Variants in RPS6KC1 observed in about 807,000 individuals in gnomAD.
RPS6KC1 encodes the protein inactive ribosomal protein S6 kinase delta-1.
In RPS6KC1, 54 loss-of-function variants were observed where a neutral mutation model predicts 103.8. The observed-to-expected ratio is 0.52, with a 90% confidence interval of 0.42 to 0.65. RPS6KC1 has a LOEUF of 0.65. RPS6KC1 is among the 30% of genes least tolerant of loss of function. The pLI is 0.00. For missense variants in RPS6KC1, 1,151 were observed against 1,253.8 expected (o/e 0.92, Z 1.24); for synonymous variants, 439 against 438.7 (o/e 1.00, Z -0.01).
the RPS6KC1 span, among the ~76,000 whole-genome samples, chr1:213,719,770 G>A: frequency 6.6e-6 from 1 of 152,158 alleles, no homozygotes; most frequent in South Asian, 2.1e-4. Context: ...GTGCCCAGGT[G>A]TCATACAGTA....
chr1:213,466,329 T>A, the RPS6KC1 span, among the ~76,000 whole-genome samples: 2 of 152,198 alleles, frequency 1.3e-5, no homozygotes. Context: ...GAATACAAGC[T>A]GAATGAGACT....
At chr1:213,355,065 A>G in the RPS6KC1 span, among the ~76,000 whole-genome samples, 2 of 152,094 alleles carry the variant, frequency 1.3e-5, no homozygotes, top group African/African-American at 4.8e-5. Flanking sequence ...TAAAAATACA[A>G]AAATTAGTCA....
chr1:213,189,214 C>T (rs1042337435), intron 8 of RPS6KC1, among the ~76,000 whole-genome samples: 5 of 151,894 alleles, frequency 3.3e-5, no homozygotes, highest in Non-Finnish European at 2.9e-5. Flanking sequence ...TTTGAGAGGC[C>T]GAAGTGGGTG....
At chr1:213,743,757 A>G in the RPS6KC1 span, among the ~76,000 whole-genome samples, 1 of 152,300 alleles carries the variant, frequency 6.6e-6, no homozygotes, top group African/African-American at 2.4e-5. Context: ...GCTGATGATT[A>G]TCTTCAATTA....
intron 3 of RPS6KC1, among the ~76,000 whole-genome samples, chr1:213,097,540 T>C (rs1189965033): frequency 2.0e-5 from 3 of 152,178 alleles, no homozygotes; most frequent in Non-Finnish European, 4.4e-5. Context: ...TCAGTAAGCA[T>C]TGGCTTCAAC....
chr1:213,051,502 C>T lies in RPS6KC1; in HGVS notation c.98C>T (p.Thr33Ile). 2 of 1,609,812 alleles carry T rather than the reference C, an allele frequency of 1.2e-6. No individual in the cohort carries two copies. The highest frequency in any genetic ancestry group is 1.7e-6 in the Non-Finnish European group (2 of 1,177,392). The change falls in exon 1 of 15, where the codon ACC becomes ATC. Residue 33 changes from threonine to isoleucine, a missense_variant. Thr to Ile is a moderately conservative substitution (Grantham distance 89). Transcript: ENST00000366960. Reference protein sequence around the residue: ...HPRGYTVYKVTARVVSRRNPE... With the variant: ...HPRGYTVYKVIARVVSRRNPE... ...AGGGGCTACACAGTATATAAGGTCACCGCCCGGGTGAGTGCCGGTGTCGGG... is the reference window on the plus strand; with the variant it reads ...AGGGGCTACACAGTATATAAGGTCATCGCCCGGGTGAGTGCCGGTGTCGGG...
intron 13 of RPS6KC1, among the ~76,000 whole-genome samples, chr1:213,262,319 CTG>C (rs1298448169): frequency 6.6e-6 from 1 of 152,152 alleles, no homozygotes; most frequent in Non-Finnish European, 1.5e-5. Flanking sequence ...TACATTTAAA[CTG>C]TAAAGTGCTA....
At chr1:213,261,069 T>TC (rs1162488539) in intron 12 of RPS6KC1, among the ~76,000 whole-genome samples, 2 of 152,200 alleles carry the variant, frequency 1.3e-5, no homozygotes, top group Admixed American at 6.5e-5. Flanking sequence ...AACTAGGTCT[T>TC]CGTTCTCCTA....
At position 213,150,325 on chromosome 1, in the gene RPS6KC1, TA is replaced by T. The variant is rs199949312; in HGVS notation, c.836-17532del. ...TTATTTATTTATTTATTTATTTATT[TA>T]TTTTTTATTGATAATTCTTGGGTGT... On this transcript the variant is annotated intron_variant, in intron 6 of 14. Coordinates refer to ENST00000366960, the MANE Select transcript of RPS6KC1 (RefSeq NM_012424.6). Among the ~76,000 whole-genome samples, 72 of 136,624 alleles carry T rather than the reference TA, an allele frequency of 5.3e-4. 1 individual carries two copies. The highest frequency in any genetic ancestry group is 3.7e-3 in the Admixed American group (52 of 13,938). The allele number at this position is 136,624 out of a possible 152,430, so 89.6% of individuals were successfully genotyped here.
At chr1:213,555,262 C>T in the RPS6KC1 span, among the ~76,000 whole-genome samples, 1 of 152,188 alleles carries the variant, frequency 6.6e-6, no homozygotes, top group Non-Finnish European at 1.5e-5. Flanking sequence ...ACTAGGGCCC[C>T]ATTTCCCCCA....
At chr1:213,130,651 A>G (rs781678517) in intron 6 of RPS6KC1, among the ~76,000 whole-genome samples, 1 of 152,176 alleles carries the variant, frequency 6.6e-6, no homozygotes, top group African/African-American at 2.4e-5. Context: ...TTACTACAGT[A>G]CTTCTCACTA....
At chr1:213,776,460 A>G in the RPS6KC1 span, among the ~76,000 whole-genome samples, 1 of 152,214 alleles carries the variant, frequency 6.6e-6, no homozygotes, top group Non-Finnish European at 1.5e-5. Flanking sequence ...ATTGTCAATG[A>G]GCAGTAATAT....
the RPS6KC1 span, among the ~76,000 whole-genome samples, chr1:213,457,283 G>C: frequency 6.6e-6 from 1 of 152,260 alleles, no homozygotes; most frequent in East Asian, 1.9e-4. Flanking sequence ...CGCCATCCTC[G>C]GCAACCCAGG....
At chr1:213,624,909 AG>A in the RPS6KC1 span, among the ~76,000 whole-genome samples, 4 of 152,278 alleles carry the variant, frequency 2.6e-5, no homozygotes, top group Middle Eastern at 0.014. Context: ...TATCAATTTG[AG>A]GGGCGACATA....
chr1:213,623,592 G>A, the RPS6KC1 span, among the ~76,000 whole-genome samples: 3 of 152,184 alleles, frequency 2.0e-5, no homozygotes, highest in Non-Finnish European at 2.9e-5. Context: ...GACCAGGGGT[G>A]TTTCAGAGAT....
At chr1:213,181,942 C>T (rs186615484) in intron 8 of RPS6KC1, among the ~76,000 whole-genome samples, 186 of 152,240 alleles carry the variant, frequency 1.2e-3, no homozygotes, top group South Asian at 2.9e-3. Flanking sequence ...AATGGACTTT[C>T]TTTCTCTTTA....
chr1:213,853,064 C>T, the RPS6KC1 span, among the ~76,000 whole-genome samples: 1 of 152,148 alleles, frequency 6.6e-6, no homozygotes, highest in Non-Finnish European at 1.5e-5. Flanking sequence ...CTCTGGAACA[C>T]AAGGGGCCCA....
chr1:213,478,393 A>AT, the RPS6KC1 span, among the ~76,000 whole-genome samples: 5 of 152,136 alleles, frequency 3.3e-5, no homozygotes, highest in Non-Finnish European at 5.9e-5. Flanking sequence ...CACTTGCCAG[A>AT]TTTTATGATA....
intron 8 of RPS6KC1, among the ~76,000 whole-genome samples, chr1:213,192,553 T>A (rs2092786710): frequency 6.6e-6 from 1 of 152,168 alleles, no homozygotes. Flanking sequence ...TCTCATTACT[T>A]GTTATTGATC....
Sources: allele counts gnomAD v4.1 joint callset (sites outside exome capture counted in the v4.1 genomes callset), GRCh38; gene constraint gnomAD v4.1.1; transcripts MANE v1.5; gene names NCBI Gene and HGNC (gene_info 2026-07-23, HGNC 2026-07-21).